FRMD4A: variants seen among roughly 807,000 people sequenced by gnomAD.
The protein encoded by FRMD4A is FERM domain-containing protein 4A.
FRMD4A carries 29 observed loss-of-function variants against 129.1 expected under a neutral mutation model. The observed-to-expected ratio is 0.22, with a 90% CI of 0.17 to 0.31. FRMD4A has a LOEUF of 0.31. FRMD4A is among the 10% of genes least tolerant of loss of function. The probability of loss-of-function intolerance (pLI) is 1.00; values close to 1 mark genes in which losing one functional copy is unlikely to be tolerated. For synonymous variants in FRMD4A, 634 were observed against 571.6 expected (o/e 1.11, Z -1.56); for missense variants, 1,272 against 1,375.8 (o/e 0.92, Z 1.19).
intron 2 of FRMD4A, among the ~76,000 whole-genome samples, chr10:14,029,919 G>C (rs1833158161): frequency 1.3e-5 from 2 of 152,096 alleles, no homozygotes; most frequent in Non-Finnish European, 2.9e-5. Context: ...TGGATATCCA[G>C]TTTTTACAAC....
At chr10:14,003,651 A>G (rs1292382574) in intron 2 of FRMD4A, 1 of 89,554 alleles carries the variant, frequency 1.1e-5, no homozygotes, top group African/African-American at 4.6e-5. Context: ...TACATTTCTC[A>G]GCTTCCTGGA....
intron 2 of FRMD4A, among the ~76,000 whole-genome samples, chr10:14,062,259 C>T (rs978882724): frequency 4.4e-4 from 67 of 152,022 alleles, no homozygotes; most frequent in African/African-American, 1.6e-3. Flanking sequence ...TGAGGTCTAT[C>T]GTTTAGGGGG....
chr10:13,971,633 G>A (rs1441275148), intron 2 of FRMD4A: 6 of 1,268,906 alleles, frequency 4.7e-6, no homozygotes, highest in South Asian at 1.2e-5. Context: ...TCAAAGAAAC[G>A]AAAGAGGAGC....
chr10:14,163,862 T>G (rs7074146), intron 2 of FRMD4A, among the ~76,000 whole-genome samples: 59,486 of 152,094 alleles, frequency 0.39, 11,877 homozygotes, highest in East Asian at 0.53. Flanking sequence ...GCTACACTCA[T>G]ATTCCAGCGT....
intron 2 of FRMD4A, among the ~76,000 whole-genome samples, chr10:14,306,198 C>A (rs1846346479): frequency 6.6e-6 from 1 of 152,208 alleles, no homozygotes. Context: ...ATTCTCTGTT[C>A]ACACAACTGT....
chr10:13,965,259 G>A (rs939457089), intron 2 of FRMD4A, among the ~76,000 whole-genome samples: 4 of 152,060 alleles, frequency 2.6e-5, no homozygotes, highest in South Asian at 2.1e-4. Flanking sequence ...TGTTCATGAA[G>A]GACTAGAGAT....
chr10:14,077,658 G>A lies in FRMD4A; in HGVS notation c.46-218746C>T, dbSNP rs570345305. 7.9e-5 allele frequency among the ~76,000 whole-genome samples: 12 copies of A among 152,318 alleles called. No individual in the cohort carries two copies. In the South Asian group the frequency reaches 2.3e-3, roughly 29 times the overall value. The stretch of plus-strand genomic sequence containing the variant: ...GCCCATGGAAGCCTGACAGCTTGAT[G>A]TTGCATCTGTGAGAAGTGATTCATT... On this transcript the variant is annotated intron_variant, in intron 2 of 24. Transcript: ENST00000357447.
At chr10:14,144,840 A>G (rs1046837386) in intron 2 of FRMD4A, among the ~76,000 whole-genome samples, 3 of 152,126 alleles carry the variant, frequency 2.0e-5, no homozygotes, top group African/African-American at 7.2e-5. Flanking sequence ...AGCAGAGGAG[A>G]GGGTGAAACC....
intron 2 of FRMD4A, among the ~76,000 whole-genome samples, chr10:14,076,316 C>A (rs7099264): frequency 0.021 from 3,135 of 152,216 alleles, 92 homozygotes; most frequent in African/African-American, 0.07. Context: ...TGGGTTAAAG[C>A]CATCATGTAA....
At chr10:14,254,711 C>A (rs1021766907) in intron 2 of FRMD4A, among the ~76,000 whole-genome samples, 2 of 151,452 alleles carry the variant, frequency 1.3e-5, no homozygotes, top group Admixed American at 1.3e-4. Flanking sequence ...AGAAGTAATA[C>A]AATTTTCAAA....
At chr10:13,687,428 A>G (rs1452332182) in intron 15 of FRMD4A, among the ~76,000 whole-genome samples, 1 of 152,088 alleles carries the variant, frequency 6.6e-6, no homozygotes, top group African/African-American at 2.4e-5. Context: ...ACCTACAAAG[A>G]TACACCCAGT....
chr10:14,325,370 T>C (rs1843231653), intron 2 of FRMD4A, among the ~76,000 whole-genome samples: 1 of 152,170 alleles, frequency 6.6e-6, no homozygotes, highest in Non-Finnish European at 1.5e-5. Flanking sequence ...TTGCAACCCT[T>C]TGTCACCTAC....
intron 2 of FRMD4A, among the ~76,000 whole-genome samples, chr10:13,861,228 C>T (rs569130192): frequency 6.6e-6 from 1 of 152,138 alleles, no homozygotes; most frequent in Non-Finnish European, 1.5e-5. Context: ...AAGCCCTAAC[C>T]CCCAATGTAT....
intron 2 of FRMD4A, among the ~76,000 whole-genome samples, chr10:14,037,944 G>A (rs867394660): frequency 4.5e-4 from 68 of 152,202 alleles, no homozygotes; most frequent in African/African-American, 1.6e-3. Context: ...ATCCAGTTTT[G>A]TCTCATAAAC....
At chr10:13,886,732 C>T (rs1251333663) in intron 2 of FRMD4A, among the ~76,000 whole-genome samples, 3 of 152,192 alleles carry the variant, frequency 2.0e-5, no homozygotes, top group Admixed American at 2.0e-4. Flanking sequence ...CAGGCACACG[C>T]CACCATGCTT....
intron 2 of FRMD4A, among the ~76,000 whole-genome samples, chr10:14,270,538 T>C (rs1192481098): frequency 5.3e-5 from 8 of 152,184 alleles, no homozygotes; most frequent in African/African-American, 1.7e-4. Context: ...AGGCTGACCA[T>C]AGCTGCAGAA....
chr10:13,811,383 T>C lies in FRMD4A; in HGVS notation c.112-475A>G, dbSNP rs374769474. On this transcript the variant is annotated intron_variant, in intron 3 of 24. Coordinates refer to ENST00000357447, the MANE Select transcript of FRMD4A (RefSeq NM_018027.5). ...CCTGGCTTCAAGTGATCCACCTGCC[T>C]CAGCCTCCCAAAGTGCTGTGATTAC... is the stretch of plus-strand genomic sequence containing the variant. Among the ~76,000 whole-genome samples the C allele has an allele frequency of 3.0e-4, 46 of 151,108 alleles. 2 individuals carry two copies. The highest frequency in any genetic ancestry group is 1.1e-3 in the African/African-American group (44 of 41,094).
Position 13,660,400 on chromosome 10 carries a change from G to T in FRMD4A, c.1814C>A (p.Pro605His). 1 of 1,614,152 alleles carries T rather than the reference G, an allele frequency of 6.2e-7. No individual in the cohort carries two copies. Among genetic ancestry groups the T allele is most frequent in the Non-Finnish European group, 8.5e-7 (1 of 1,179,968 alleles). The change falls in exon 20 of 25, where the codon CCC (proline) becomes CAC (histidine). Residue 605 changes from proline to histidine, a missense_variant. Around this residue, in one of 2 missense-constraint regions of FRMD4A, gnomAD observed 972 missense variants for 892.3 expected, o/e 1.09. Transcript: ENST00000357447. ...HYHRNDYDKS[P>H]IKPKMWSESS... ...CTCACTCCACATTTTGGGCTTGATG[G>T]GTGACTTGTCATAGTCGTTGCGGTG...
At chr10:14,066,782 G>C (rs1298657129) in intron 2 of FRMD4A, among the ~76,000 whole-genome samples, 1 of 151,620 alleles carries the variant, frequency 6.6e-6, no homozygotes, top group African/African-American at 2.4e-5. Context: ...AAAGCAAAAC[G>C]TATCAAAAAA....
Sources: gnomAD v4.1 joint callset for allele counts (sites outside exome capture counted in the v4.1 genomes callset) on GRCh38, gnomAD v4.1.1 for gene constraint, gnomAD v4.1.1 regional missense constraint, MANE v1.5 for transcripts, NCBI Gene and HGNC (gene_info 2026-07-23, HGNC 2026-07-21) for gene names.